NR6A1: variants seen among roughly 807,000 people sequenced by gnomAD.
The protein encoded by NR6A1 is nuclear receptor subfamily 6 group A member 1.
In NR6A1, 7 loss-of-function variants were observed where a neutral mutation model predicts 59.1. The ratio of observed to expected loss-of-function variants is 0.12; its 90% CI spans 0.07 to 0.22. The LOEUF (loss-of-function observed/expected upper bound fraction) is 0.22. Among genes scored for constraint, NR6A1 ranks in the 10% least tolerant of loss-of-function variants. NR6A1 has a pLI of 1.00. For synonymous variants in NR6A1, 243 were observed against 236.1 expected (o/e 1.03, Z -0.27); for missense variants, 468 against 611.6 (o/e 0.77, Z 2.48).
intron 2 of NR6A1, among the ~76,000 whole-genome samples, chr9:124,678,846 G>C (rs996425491): frequency 6.6e-6 from 1 of 152,116 alleles, no homozygotes; most frequent in Admixed American, 6.6e-5. Flanking sequence ...TAAGAAAGTA[G>C]TAAGAAAGCC....
At chr9:124,533,672 C>T (rs1289396864) in intron 7 of NR6A1, among the ~76,000 whole-genome samples, 3 of 148,298 alleles carry the variant, frequency 2.0e-5, no homozygotes, top group Admixed American at 1.3e-4. Context: ...TTTTTTGAGA[C>T]GGAGTCTCGC....
chr9:124,755,523 G>C (rs937140626), intron 1 of NR6A1, among the ~76,000 whole-genome samples: 1 of 152,076 alleles, frequency 6.6e-6, no homozygotes. Flanking sequence ...ACTCTTCAGG[G>C]ATTTATCACA....
intron 1 of NR6A1, among the ~76,000 whole-genome samples, chr9:124,738,357 T>TCAGGAAATTTTCTGAGAAATC (rs538774828): frequency 1.3e-5 from 2 of 152,036 alleles, no homozygotes; most frequent in African/African-American, 4.8e-5. Context: ...ATTAAACAGA[T>TCAGGAAATTTTCTGAGAAATC]CAGGAAATTT....
chr9:124,768,151 T>C (rs1840990821), intron 1 of NR6A1, among the ~76,000 whole-genome samples: 1 of 152,200 alleles, frequency 6.6e-6, no homozygotes, highest in Non-Finnish European at 1.5e-5. Context: ...ATCAATGGTG[T>C]TTCCGGTAGG....
chr9:124,560,551 C>T (rs912167645), intron 2 of NR6A1, among the ~76,000 whole-genome samples: 5 of 152,012 alleles, frequency 3.3e-5, no homozygotes, highest in African/African-American at 1.2e-4. Context: ...AATAGTTATT[C>T]AATTGGTTTT....
At chr9:124,631,656 A>AT (rs913565358) in intron 2 of NR6A1, among the ~76,000 whole-genome samples, 29 of 150,202 alleles carry the variant, frequency 1.9e-4, no homozygotes, top group South Asian at 1.7e-3. Context: ...AGCTACCTGC[A>AT]TTTTTTTTTT....
chr9:124,577,100 C>G (rs1834623910), intron 2 of NR6A1, among the ~76,000 whole-genome samples: 1 of 152,102 alleles, frequency 6.6e-6, no homozygotes, highest in South Asian at 2.1e-4. Context: ...TTTATTATGA[C>G]TATGCTTATT....
intron 1 of NR6A1, among the ~76,000 whole-genome samples, chr9:124,756,660 G>A (rs1271192563): frequency 1.3e-5 from 2 of 152,268 alleles, no homozygotes; most frequent in Non-Finnish European, 2.9e-5. Flanking sequence ...TAGCCACTGA[G>A]GAACCCATGC....
At chr9:124,722,530 A>G (rs533729176) in intron 2 of NR6A1, among the ~76,000 whole-genome samples, 91 of 152,180 alleles carry the variant, frequency 6.0e-4, no homozygotes, top group Non-Finnish European at 1.3e-4. Context: ...ATCCACAAAA[A>G]AATATCTTTG....
In NR6A1 at chr9:124,540,170, G is replaced by C. The variant is rs538806855; in HGVS notation, c.459C>G (p.Ile153Met). Reference protein sequence around the residue: ...IGPVQISEEEIERIMSGQEFE... With the variant: ...IGPVQISEEEMERIMSGQEFE... ...ACTCCTGCCCAGACATGATCCTTTCGATTTCTTCTTCCGATATCTTTGACA... is the reference window on the plus strand; with the variant it reads ...ACTCCTGCCCAGACATGATCCTTTCCATTTCTTCTTCCGATATCTTTGACA... Residue 153 changes from isoleucine to methionine, a missense_variant, in exon 5 of 10, where the codon ATC becomes ATG. Around this residue, in one of 4 missense-constraint regions of NR6A1, gnomAD observed 151 missense variants for 142.8 expected, o/e 1.06. Coordinates refer to ENST00000487099, the MANE Select transcript of NR6A1 (RefSeq NM_033334.4). The C allele has an allele frequency of 1.9e-6, 3 of 1,613,310 alleles. No individual in the cohort carries two copies. Among genetic ancestry groups the C allele is most frequent in the Non-Finnish European group, 8.5e-7 (1 of 1,179,664 alleles).
intron 2 of NR6A1, among the ~76,000 whole-genome samples, chr9:124,729,821 T>C (rs1037655309): frequency 6.6e-6 from 1 of 151,580 alleles, no homozygotes; most frequent in Non-Finnish European, 1.5e-5. Flanking sequence ...ATTTTTTTTT[T>C]TTTTTTTTGA....
At chr9:124,661,831 AC>A (rs1322737681) in intron 2 of NR6A1, among the ~76,000 whole-genome samples, 2 of 152,230 alleles carry the variant, frequency 1.3e-5, no homozygotes, top group South Asian at 4.1e-4. Flanking sequence ...CTTTAGTTAT[AC>A]ACACCACATT....
chr9:124,720,937 T>C (rs1474530996), intron 2 of NR6A1, among the ~76,000 whole-genome samples: 1 of 152,212 alleles, frequency 6.6e-6, no homozygotes, highest in Admixed American at 6.5e-5. Flanking sequence ...ATTCCCTTGT[T>C]ATCAAGCACT....
intron 2 of NR6A1, among the ~76,000 whole-genome samples, chr9:124,725,392 TAAA>T (rs1256111866): frequency 6.9e-6 from 1 of 145,544 alleles, no homozygotes; most frequent in Admixed American, 6.9e-5. Context: ...TAAAGGTATT[TAAA>T]AAAAAAGAAA....
At chr9:124,754,527 A>C (rs1840587297) in intron 1 of NR6A1, among the ~76,000 whole-genome samples, 1 of 152,184 alleles carries the variant, frequency 6.6e-6, no homozygotes, top group African/African-American at 2.4e-5. Context: ...TGCTGGTAGA[A>C]ATATACATCC....
intron 7 of NR6A1, among the ~76,000 whole-genome samples, chr9:124,531,984 T>C (rs1439793039): frequency 6.6e-6 from 1 of 152,220 alleles, no homozygotes; most frequent in African/African-American, 2.4e-5. Context: ...TGAACTTTAC[T>C]GCCATAGAGA....
intron 2 of NR6A1, among the ~76,000 whole-genome samples, chr9:124,643,344 T>C (rs544313943): frequency 2.8e-4 from 42 of 152,008 alleles, no homozygotes; most frequent in African/African-American, 9.6e-4. Context: ...CTCACACCTG[T>C]AATCCCAGCA....
intron 2 of NR6A1, among the ~76,000 whole-genome samples, chr9:124,557,741 T>C (rs185271437): frequency 1.8e-4 from 28 of 152,290 alleles, no homozygotes; most frequent in African/African-American, 5.5e-4. Context: ...GGCCTGGAAA[T>C]GGAACATGGA....
At chr9:124,697,146 G>C (rs1168182409) in intron 2 of NR6A1, among the ~76,000 whole-genome samples, 5 of 152,158 alleles carry the variant, frequency 3.3e-5, no homozygotes, top group South Asian at 2.1e-4. Flanking sequence ...GGAAGAAAGA[G>C]GATTCCACTT....
Sources: allele counts gnomAD v4.1 joint callset (sites outside exome capture counted in the v4.1 genomes callset), GRCh38; gene constraint gnomAD v4.1.1; regional missense constraint gnomAD v4.1.1; transcripts MANE v1.5; gene names NCBI Gene and HGNC (gene_info 2026-07-23, HGNC 2026-07-21).